The following TMCC1 variants were observed in gnomAD, a reference collection of about 807,000 sequenced individuals.
TMCC1 encodes transmembrane and coiled-coil domain family 1, also known as transmembrane and coiled-coil domains protein 1.
In TMCC1, 15 loss-of-function variants were observed where a neutral mutation model predicts 52.4. The observed-to-expected ratio is 0.29, with a 90% CI of 0.19 to 0.44. The LOEUF (loss-of-function observed/expected upper bound fraction) is 0.44. Among genes scored for constraint, TMCC1 ranks in the 20% least tolerant of loss-of-function variants. TMCC1 has a pLI of 1.00. For missense variants in TMCC1, 503 were observed against 806.0 expected (o/e 0.62, Z 4.55); for synonymous variants, 279 against 301.9 (o/e 0.92, Z 0.79).
At chr3:129,751,374 T>C in intron 4 of TMCC1, among the ~76,000 whole-genome samples, 1 of 151,544 alleles carries the variant, frequency 6.6e-6, no homozygotes, top group Admixed American at 6.6e-5. Flanking sequence ...TAAAAAAAAT[T>C]TAAAAATTAG....
intron 4 of TMCC1, among the ~76,000 whole-genome samples, chr3:129,729,193 G>A (rs938113035): frequency 3.3e-5 from 5 of 151,826 alleles, no homozygotes; most frequent in African/African-American, 2.4e-5. Flanking sequence ...AGCAGTGTAT[G>A]AGAGTTCCAA....
chr3:129,884,085 A>G (rs1184760965), intron 1 of TMCC1, among the ~76,000 whole-genome samples: 1 of 152,108 alleles, frequency 6.6e-6, no homozygotes, highest in African/African-American at 2.4e-5. Context: ...AACAAATTAA[A>G]GTCTTCAGAT....
At chr3:129,891,158 T>A (rs1156764590) in intron 1 of TMCC1, among the ~76,000 whole-genome samples, 1 of 152,246 alleles carries the variant, frequency 6.6e-6, no homozygotes, top group Non-Finnish European at 1.5e-5. Flanking sequence ...TTCTCCTTAA[T>A]GAGGCCTCCT....
intron 4 of TMCC1, among the ~76,000 whole-genome samples, chr3:129,787,878 T>C (rs1224983899): frequency 1.3e-5 from 2 of 152,208 alleles, no homozygotes; most frequent in Non-Finnish European, 2.9e-5. Flanking sequence ...AAGAAAACTA[T>C]TGGCAATGGT....
At chr3:129,726,146 G>C (rs1202614162) in intron 4 of TMCC1, among the ~76,000 whole-genome samples, 2 of 152,190 alleles carry the variant, frequency 1.3e-5, no homozygotes, top group African/African-American at 4.8e-5. Context: ...CTTATCTGTA[G>C]AGGAGAAGTA....
intron 4 of TMCC1, among the ~76,000 whole-genome samples, chr3:129,792,370 C>T (rs1220829268): frequency 1.3e-5 from 2 of 151,602 alleles, no homozygotes; most frequent in East Asian, 1.9e-4. Context: ...TTTTTTAAGA[C>T]GGAGTCTCGC....
chr3:129,695,437 G>A (rs2047345193), intron 4 of TMCC1, among the ~76,000 whole-genome samples: 2 of 152,158 alleles, frequency 1.3e-5, no homozygotes, highest in Admixed American at 6.5e-5. Flanking sequence ...AATTTATAAA[G>A]GAAAGAGGTT....
At chr3:129,756,894 AGTT>A (rs928791504) in intron 4 of TMCC1, among the ~76,000 whole-genome samples, 8 of 152,124 alleles carry the variant, frequency 5.3e-5, no homozygotes, top group Non-Finnish European at 8.8e-5. Context: ...AGGGTAAAGG[AGTT>A]GTTGTGTATG....
At chr3:129,716,319 C>T (rs985531188) in intron 4 of TMCC1, among the ~76,000 whole-genome samples, 15 of 146,552 alleles carry the variant, frequency 1.0e-4, no homozygotes, top group African/African-American at 1.5e-4. Flanking sequence ...TGAACCACTA[C>T]ACCTGGCAAA....
chr3:129,706,364 C>A (rs2048246255), intron 4 of TMCC1, among the ~76,000 whole-genome samples: 2 of 151,296 alleles, frequency 1.3e-5, no homozygotes, highest in African/African-American at 4.9e-5. Flanking sequence ...CACCACCATG[C>A]CCTGCTAATT....
chr3:129,812,794 G>A (rs1265311986), intron 4 of TMCC1, among the ~76,000 whole-genome samples: 1 of 151,968 alleles, frequency 6.6e-6, no homozygotes, highest in African/African-American at 2.4e-5. Context: ...TGCCAAAAGC[G>A]ATTGCAACAA....
chr3:129,827,691 A>G lies in TMCC1; in HGVS notation c.576+112T>C. 5.3e-6 allele frequency: 7 copies of G among 1,323,930 alleles called. No homozygotes were observed. The South Asian group carries it at 1.1e-4, about 20-fold the overall frequency. 82.0% of individuals were successfully genotyped at this position (1,323,930 alleles called of 1,614,324 possible). A position where few individuals can be genotyped will look rare whatever the true frequency, so the allele number is the denominator to read the frequency against. The stretch of plus-strand genomic sequence containing the variant: ...TGAAAAGGGGAAAAATTCTTTTACC[A>G]CAACTTTAAGGTATTTGCTGAGATA... On this transcript the variant is annotated intron_variant, in intron 4 of 6. Coordinates refer to ENST00000393238, the MANE Select transcript of TMCC1 (RefSeq NM_001017395.5).
chr3:129,879,441 A>T (rs2061365240), intron 2 of TMCC1, among the ~76,000 whole-genome samples: 1 of 151,076 alleles, frequency 6.6e-6, no homozygotes, highest in Non-Finnish European at 1.5e-5. Context: ...ACGTTGTCTT[A>T]AAAAAAAAGG....
intron 4 of TMCC1, among the ~76,000 whole-genome samples, chr3:129,785,892 G>A (rs1257587850): frequency 6.7e-6 from 1 of 148,582 alleles, no homozygotes; most frequent in Non-Finnish European, 1.5e-5. Context: ...TAGAAGATTA[G>A]ATTTTGAAAG....
At chr3:129,652,727 C>A (rs994111007) in intron 6 of TMCC1, among the ~76,000 whole-genome samples, 2 of 152,244 alleles carry the variant, frequency 1.3e-5, no homozygotes, top group Non-Finnish European at 2.9e-5. Flanking sequence ...AGTCTTTACA[C>A]AAAGCTTAAC....
chr3:129,674,966 T>G (rs1013461451), intron 4 of TMCC1, among the ~76,000 whole-genome samples: 4 of 152,144 alleles, frequency 2.6e-5, no homozygotes, highest in African/African-American at 7.2e-5. Flanking sequence ...TCTTCCTGAG[T>G]AGCTGGGATT....
In TMCC1 at chr3:129,695,932, A is replaced by G. The variant is rs186030491; in HGVS notation, c.577-24668T>C. Among the ~76,000 whole-genome samples the G allele has an allele frequency of 2.6e-5, 4 of 152,254 alleles. No homozygotes were observed. The East Asian group carries it at 7.7e-4, about 29-fold the overall frequency. ...CCCTATGTATCATGACTTACTTTCCAATCTGACTCTGGCATAACGTTATGT... is the reference window on the plus strand; with the variant it reads ...CCCTATGTATCATGACTTACTTTCCGATCTGACTCTGGCATAACGTTATGT... On this transcript the variant is annotated intron_variant, in intron 4 of 6. Coordinates refer to ENST00000393238, the MANE Select transcript of TMCC1 (RefSeq NM_001017395.5).
chr3:129,836,530 G>A (rs1479492616), intron 2 of TMCC1, among the ~76,000 whole-genome samples: 1 of 152,154 alleles, frequency 6.6e-6, no homozygotes, highest in Non-Finnish European at 1.5e-5. Flanking sequence ...GTGGATTCCT[G>A]AGGTTCAAAA....
At chr3:129,666,748 A>G (rs2087488170) in intron 5 of TMCC1, among the ~76,000 whole-genome samples, 1 of 151,748 alleles carries the variant, frequency 6.6e-6, no homozygotes, top group African/African-American at 2.4e-5. Context: ...CTCCAAAAAC[A>G]AAGAACAAAA....
Sources: allele counts gnomAD v4.1 joint callset (sites outside exome capture counted in the v4.1 genomes callset), GRCh38; gene constraint gnomAD v4.1.1; transcripts MANE v1.5; gene names NCBI Gene and HGNC (gene_info 2026-07-23, HGNC 2026-07-21).